The following EYS variants were observed in gnomAD, a reference collection of about 807,000 sequenced individuals.
EYS encodes the protein protein eyes shut homolog.
EYS carries 250 observed loss-of-function variants against 282.1 expected under a neutral mutation model. The observed-to-expected ratio is 0.89, with a 90% confidence interval of 0.80 to 0.98. EYS has a LOEUF of 0.98. Ranked by LOEUF, EYS falls within the 50% of genes least tolerant of loss-of-function variation. The probability of loss-of-function intolerance (pLI) is 0.00; values close to 1 mark genes in which losing one functional copy is unlikely to be tolerated. For missense variants in EYS, 4,016 were observed against 3,709.0 expected (o/e 1.08, Z -2.15); for synonymous variants, 1,355 against 1,282.9 (o/e 1.06, Z -1.20).
At chr6:64,298,678 A>G (rs1412935195) in intron 30 of EYS, among the ~76,000 whole-genome samples, 1 of 152,150 alleles carries the variant, frequency 6.6e-6, no homozygotes, top group Non-Finnish European at 1.5e-5. Context: ...ATAGCTTCTT[A>G]GCAATTATTT....
chr6:65,470,377 G>A (rs924229324), intron 5 of EYS, among the ~76,000 whole-genome samples: 2 of 152,034 alleles, frequency 1.3e-5, no homozygotes, highest in African/African-American at 4.8e-5. Context: ...TGCCCAACAT[G>A]TAGCAAGTAC....
chr6:65,481,250 C>G (rs556396037), intron 5 of EYS, among the ~76,000 whole-genome samples: 1 of 151,384 alleles, frequency 6.6e-6, no homozygotes, highest in Non-Finnish European at 1.5e-5. Context: ...TAAGTGTCAA[C>G]CAAAAAAAGC....
chr6:63,800,580 T>C (rs920064379), intron 37 of EYS, among the ~76,000 whole-genome samples: 1 of 152,134 alleles, frequency 6.6e-6, no homozygotes, highest in African/African-American at 2.4e-5. Context: ...GGTGGGTGGA[T>C]CACCTGAGGT....
intron 40 of EYS, among the ~76,000 whole-genome samples, chr6:63,765,831 T>G (rs185223554): frequency 3.9e-5 from 6 of 152,158 alleles, no homozygotes; most frequent in Non-Finnish European, 7.4e-5. Flanking sequence ...ACCATCCTTC[T>G]GCTCTCTATC....
At chr6:64,199,202 A>T (rs1231536734) in intron 31 of EYS, among the ~76,000 whole-genome samples, 2 of 152,200 alleles carry the variant, frequency 1.3e-5, no homozygotes, top group African/African-American at 2.4e-5. Flanking sequence ...GGCTACAATA[A>T]CAAAAATAGC....
intron 26 of EYS, among the ~76,000 whole-genome samples, chr6:64,583,480 G>A (rs1201844659): frequency 6.6e-6 from 1 of 150,976 alleles, no homozygotes; most frequent in Non-Finnish European, 1.5e-5. Flanking sequence ...GACCATCAAT[G>A]AACACTTGAA....
chr6:63,749,928 G>C (rs897667413), intron 41 of EYS, among the ~76,000 whole-genome samples: 4 of 152,118 alleles, frequency 2.6e-5, no homozygotes, highest in Non-Finnish European at 4.4e-5. Flanking sequence ...GGTGACAGCT[G>C]TTCCACCTGG....
chr6:64,548,724 T>C (rs546690693), intron 26 of EYS, among the ~76,000 whole-genome samples: 3 of 152,082 alleles, frequency 2.0e-5, no homozygotes, highest in Non-Finnish European at 4.4e-5. Flanking sequence ...ATATACCTAA[T>C]GTTAAATGAC....
intron 35 of EYS, among the ~76,000 whole-genome samples, chr6:63,925,707 G>A (rs577554711): frequency 1.4e-4 from 21 of 152,280 alleles, no homozygotes; most frequent in Non-Finnish European, 2.4e-4. Context: ...GCAGTGGCAC[G>A]ATCTTGGCTC....
chr6:64,150,213 G>A (rs1310856699), intron 31 of EYS, among the ~76,000 whole-genome samples: 1 of 152,178 alleles, frequency 6.6e-6, no homozygotes, highest in African/African-American at 2.4e-5. Context: ...ATCTCCAGAT[G>A]ATTCTTAAGC....
intron 12 of EYS, 106 bp from the exon 13 acceptor site, chr6:65,057,833 T>C: frequency 5.5e-6 from 4 of 722,816 alleles, no homozygotes; most frequent in Non-Finnish European, 9.6e-6. Flanking sequence ...GGATGACATC[T>C]GAAACCAAAT....
intron 30 of EYS, among the ~76,000 whole-genome samples, chr6:64,294,861 CT>C (rs1021311018): frequency 1.4e-4 from 22 of 152,036 alleles, no homozygotes; most frequent in Middle Eastern, 3.4e-3. Context: ...AATTACATGC[CT>C]TTTTAATAAA....
intron 31 of EYS, among the ~76,000 whole-genome samples, chr6:64,168,352 T>G (rs1197002877): frequency 2.0e-5 from 3 of 152,336 alleles, no homozygotes; most frequent in South Asian, 4.1e-4. Flanking sequence ...TCTTATTGAA[T>G]GCACAATGGT....
intron 31 of EYS, among the ~76,000 whole-genome samples, chr6:64,170,074 A>G (rs998169271): frequency 2.0e-5 from 3 of 152,168 alleles, no homozygotes; most frequent in Non-Finnish European, 4.4e-5. Context: ...AGTGGGCTGC[A>G]ATGCGAACAG....
intron 31 of EYS, among the ~76,000 whole-genome samples, chr6:64,167,270 T>C (rs1440523878): frequency 1.3e-5 from 2 of 152,234 alleles, no homozygotes; most frequent in Non-Finnish European, 2.9e-5. Flanking sequence ...AATTAAATTA[T>C]ACATCAATGT....
Position 65,414,133 on chromosome 6 carries a change from A to C in EYS, c.863-8766T>G, listed in dbSNP as rs182367508. Among the ~76,000 whole-genome samples the C allele has an allele frequency of 2.3e-3, 349 of 152,294 alleles. 3 individuals carry two copies. The highest frequency in any genetic ancestry group is 8.1e-3 in the African/African-American group (338 of 41,584). On this transcript the variant is annotated intron_variant, in intron 5 of 42. Transcript: ENST00000503581. Reference sequence around the variant, plus strand: ...GAATAAATAAAGAGCATATCAACAGAGAAAACAGCAAATGCAAAGACTTTG... The same window carrying C: ...GAATAAATAAAGAGCATATCAACAGCGAAAACAGCAAATGCAAAGACTTTG...
intron 24 of EYS, among the ~76,000 whole-genome samples, chr6:64,603,861 CTGTGTGTG>C (rs34430318): frequency 1.8e-4 from 26 of 148,184 alleles, no homozygotes; most frequent in Non-Finnish European, 3.0e-4. Context: ...AAATGAATAC[CTGTGTGTG>C]TGTGTGTGTG....
intron 29 of EYS, among the ~76,000 whole-genome samples, chr6:64,311,824 AACGGTGCACTCTGGCTTAGAT>A (rs1246354171): frequency 2.6e-5 from 4 of 151,972 alleles, no homozygotes; most frequent in Non-Finnish European, 5.9e-5. Flanking sequence ...TATCGGGAGG[AACGGTGCACTCTGGCTTAGAT>A]ACTGTGCTTT....
chr6:64,636,718 A>G (rs1250234985), intron 22 of EYS, among the ~76,000 whole-genome samples: 2 of 152,088 alleles, frequency 1.3e-5, no homozygotes, highest in Non-Finnish European at 2.9e-5. Flanking sequence ...TCCAGAATCT[A>G]CAATGAACTC....
Sources: allele counts gnomAD v4.1 joint callset (sites outside exome capture counted in the v4.1 genomes callset), GRCh38; gene constraint gnomAD v4.1.1; transcripts MANE v1.5; gene names NCBI Gene and HGNC (gene_info 2026-07-23, HGNC 2026-07-21).